Variants in GFRA1 observed in about 807,000 individuals in gnomAD.
GFRA1 encodes GDNF family receptor alpha 1, also known as GDNF family receptor alpha-1.
Under a neutral mutation model 51.6 loss-of-function variants are expected in GFRA1, and 16 were observed. The observed-to-expected ratio is 0.31, with a 90% CI of 0.21 to 0.47. The LOEUF is 0.47. Ranked by LOEUF, GFRA1 falls within the 20% of genes least tolerant of loss-of-function variation. GFRA1 has a pLI of 1.00. For synonymous variants in GFRA1, 270 were observed against 241.3 expected (o/e 1.12, Z -1.10); for missense variants, 530 against 594.3 (o/e 0.89, Z 1.13).
chr10:116,160,080 C>T (rs868552799), intron 5 of GFRA1, among the ~76,000 whole-genome samples: 3 of 152,188 alleles, frequency 2.0e-5, no homozygotes, highest in South Asian at 2.1e-4. Flanking sequence ...CAGCTTCATT[C>T]GAATCCATTG....
At chr10:116,244,109 A>G (rs1967648081) in intron 4 of GFRA1, among the ~76,000 whole-genome samples, 2 of 152,134 alleles carry the variant, frequency 1.3e-5, no homozygotes, top group South Asian at 2.1e-4. Flanking sequence ...ATAATAAAAC[A>G]CACAAGAAAA....
At chr10:116,163,059 C>T (rs1227778499) in intron 5 of GFRA1, among the ~76,000 whole-genome samples, 1 of 152,178 alleles carries the variant, frequency 6.6e-6, no homozygotes, top group Non-Finnish European at 1.5e-5. Flanking sequence ...TGGGAAAGGC[C>T]ACCTGCCTCA....
chr10:116,197,472 G>A (rs1485183249), intron 5 of GFRA1, among the ~76,000 whole-genome samples: 2 of 152,156 alleles, frequency 1.3e-5, no homozygotes, highest in Admixed American at 1.3e-4. Context: ...ATGTATGTGT[G>A]TATATTGTTT....
chr10:116,138,635 A>ACAC (rs1958431990), intron 5 of GFRA1, among the ~76,000 whole-genome samples: 3 of 120,252 alleles, frequency 2.5e-5, no homozygotes, highest in Non-Finnish European at 1.7e-5. Flanking sequence ...GATGGTAGGA[A>ACAC]CCCCCCCCCG....
At chr10:116,220,118 C>T (rs1444015579) in intron 4 of GFRA1, among the ~76,000 whole-genome samples, 1 of 152,182 alleles carries the variant, frequency 6.6e-6, no homozygotes, top group African/African-American at 2.4e-5. Flanking sequence ...AAATTTCATT[C>T]TTTGCAATTC....
chr10:116,234,826 T>C (rs767556930), intron 4 of GFRA1, among the ~76,000 whole-genome samples: 15 of 152,096 alleles, frequency 9.9e-5, no homozygotes, highest in Non-Finnish European at 1.8e-4. Context: ...CCACATTTCA[T>C]GGGAGGGACC....
chr10:116,248,547 T>A (rs1968060117), intron 4 of GFRA1, among the ~76,000 whole-genome samples: 2 of 152,320 alleles, frequency 1.3e-5, no homozygotes, highest in East Asian at 3.9e-4. Context: ...GCTCATTGTT[T>A]CTAATTATCT....
chr10:116,202,761 A>G (rs1964441660), intron 5 of GFRA1, among the ~76,000 whole-genome samples: 2 of 152,156 alleles, frequency 1.3e-5, no homozygotes, highest in African/African-American at 4.8e-5. Context: ...ATCCACCCTC[A>G]TGATCTAATC....
intron 4 of GFRA1, among the ~76,000 whole-genome samples, chr10:116,227,785 C>G (rs1428125445): frequency 6.6e-6 from 1 of 152,174 alleles, no homozygotes; most frequent in African/African-American, 2.4e-5. Context: ...CATGTCAGAT[C>G]CATTTTCTCC....
chr10:116,092,055 T>C (rs1956361717), intron 8 of GFRA1, among the ~76,000 whole-genome samples: 1 of 150,742 alleles, frequency 6.6e-6, no homozygotes, highest in Non-Finnish European at 1.5e-5. Flanking sequence ...ACTTGCATTC[T>C]GCCAGATGGA....
intron 5 of GFRA1, among the ~76,000 whole-genome samples, chr10:116,150,007 A>G (rs762299301): frequency 6.6e-6 from 1 of 152,194 alleles, no homozygotes; most frequent in African/African-American, 2.4e-5. Context: ...ATGGCTTACT[A>G]TATGTCCAAC....
At chr10:116,200,070 T>C (rs547687805) in intron 5 of GFRA1, among the ~76,000 whole-genome samples, 1 of 152,212 alleles carries the variant, frequency 6.6e-6, no homozygotes, top group Non-Finnish European at 1.5e-5. Context: ...TATAGTTGAG[T>C]AGTGTTCCAT....
In GFRA1 at chr10:116,081,648, G is replaced by A. The variant is rs73363890; in HGVS notation, c.1197+8093C>T. Among the ~76,000 whole-genome samples, 587 of 152,270 alleles carry A rather than the reference G, an allele frequency of 3.9e-3. 6 individuals are homozygous for A. The highest frequency in any genetic ancestry group is 0.013 in the African/African-American group (552 of 41,542). On this transcript the variant is annotated intron_variant, in intron 9 of 10. Transcript: ENST00000355422. ...GTGAGGATTACTCAGGGGAGGCACT[G>A]CGTATGCATTTGTTTTATTAATGCC...
At chr10:116,226,772 T>G in intron 4 of GFRA1, 1 of 422,246 alleles carries the variant, frequency 2.4e-6, no homozygotes. Context: ...AGCCCTGACC[T>G]TGTTTTCCTG....
intron 8 of GFRA1, among the ~76,000 whole-genome samples, chr10:116,091,156 T>A (rs1956317750): frequency 6.6e-6 from 1 of 152,204 alleles, no homozygotes; most frequent in South Asian, 2.1e-4. Context: ...CAACTACCTG[T>A]GCTTTTCCCA....
At chr10:116,215,161 G>T (rs1965472976) in intron 4 of GFRA1, among the ~76,000 whole-genome samples, 1 of 151,998 alleles carries the variant, frequency 6.6e-6, no homozygotes, top group South Asian at 2.1e-4. Flanking sequence ...ATAATGGTTT[G>T]GGTACCTTCT....
At chr10:116,106,420 TTAGCTTCTCTGAAG>T (rs1957007024) in intron 6 of GFRA1, among the ~76,000 whole-genome samples, 2 of 152,246 alleles carry the variant, frequency 1.3e-5, no homozygotes, top group African/African-American at 4.8e-5. Flanking sequence ...GGCAAGTATC[TTAGCTTCTCTGAAG>T]CCTAGTGATA....
In GFRA1 at chr10:116,204,452, T is replaced by C. The variant is rs375584964; in HGVS notation, c.433+7179A>G. 3.3e-5 allele frequency among the ~76,000 whole-genome samples: 5 copies of C among 152,368 alleles called. No individual in the cohort carries two copies. In the East Asian group the frequency reaches 7.7e-4, roughly 23 times the overall value. ...AATAAGCACACCTAACACCCAGATC[T>C]TGGTTTCTTGTATCATTCTTCAATG... On this transcript the variant is annotated intron_variant, in intron 5 of 10. Coordinates refer to ENST00000355422, the MANE Select transcript of GFRA1 (RefSeq NM_005264.8).
In GFRA1 at chr10:116,270,948, C is replaced by CCTTGGCCTCCAGGCCGGATGCCAGG; in HGVS notation, c.183_207dup (p.Asp70ProfsTer10). 1 of 1,614,210 alleles carries CCTTGGCCTCCAGGCCGGATGCCAGG rather than the reference C, an allele frequency of 6.2e-7. No homozygotes were observed. The highest frequency in any genetic ancestry group is 8.5e-7 in the Non-Finnish European group (1 of 1,180,040). On this transcript the variant is annotated frameshift_variant, in exon 3 of 11. Coordinates refer to ENST00000355422, the MANE Select transcript of GFRA1 (RefSeq NM_005264.8). LOFTEE classifies it high-confidence loss of function. ...GCCTCCATGGCGCTGCGGCACTCAT[C>CCTTGGCCTCCAGGCCGGATGCCAGG]CTTGGCCTCCAGGCCGGATGCCAGG... is the stretch of plus-strand genomic sequence containing the variant.
Sources: allele counts gnomAD v4.1 joint callset (sites outside exome capture counted in the v4.1 genomes callset), GRCh38; gene constraint gnomAD v4.1.1; transcripts MANE v1.5; gene names NCBI Gene and HGNC (gene_info 2026-07-23, HGNC 2026-07-21).